Variants in LMX1A observed in about 807,000 individuals in gnomAD.
LMX1A encodes LIM homeobox transcription factor 1 alpha.
Under a neutral mutation model 49.1 loss-of-function variants are expected in LMX1A, and 15 were observed. The observed-to-expected ratio is 0.31, with a 90% CI of 0.20 to 0.47. The LOEUF (loss-of-function observed/expected upper bound fraction) is 0.47, where lower values mean the gene tolerates loss of function less well. LMX1A is among the 20% of genes least tolerant of loss of function. The pLI is 1.00. For missense variants in LMX1A, 372 were observed against 475.8 expected, an observed-to-expected ratio of 0.78 and a Z score of 2.03; for synonymous variants, 167 against 185.7, an observed-to-expected ratio of 0.90 and a Z score of 0.82.
rs939211416 is a variant in LMX1A, at chr1:165,293,893, G to A, written c.264-44253C>T. Among the ~76,000 whole-genome samples the A allele has an allele frequency of 2.6e-5, 4 of 152,304 alleles. No homozygotes were observed. In the South Asian group the frequency reaches 6.2e-4, roughly 24 times the overall value. ...CTAATACCATCATGTTGGAGGTTAG[G>A]ATTTCAACATGTGAATTTGGGAGGA... On this transcript the variant is annotated intron_variant, in intron 3 of 8. Coordinates refer to ENST00000342310, the MANE Select transcript of LMX1A (RefSeq NM_177398.4).
intron 3 of LMX1A, among the ~76,000 whole-genome samples, chr1:165,331,912 G>T (rs1272430631): frequency 6.6e-6 from 1 of 152,052 alleles, no homozygotes; most frequent in African/African-American, 2.4e-5. Context: ...GTGAGACACG[G>T]TCTCGAAAAA....
At chr1:165,225,639 C>A (rs528397927) in intron 4 of LMX1A, among the ~76,000 whole-genome samples, 2 of 152,318 alleles carry the variant, frequency 1.3e-5, no homozygotes, top group East Asian at 1.9e-4. Context: ...GACTCTAGGG[C>A]AGTGGTTTTC....
At chr1:165,204,641 G>A (rs887321102) in intron 8 of LMX1A, among the ~76,000 whole-genome samples, 1 of 152,322 alleles carries the variant, frequency 6.6e-6, no homozygotes, top group Admixed American at 6.5e-5. Flanking sequence ...GGCAAAGAAT[G>A]TTCTGCCTCT....
intron 4 of LMX1A, among the ~76,000 whole-genome samples, chr1:165,217,891 C>T (rs887186615): frequency 6.6e-6 from 1 of 152,224 alleles, no homozygotes; most frequent in Non-Finnish European, 1.5e-5. Flanking sequence ...CATCCCTTTA[C>T]ATCTTCCATT....
In LMX1A at chr1:165,340,022, C is replaced by A. The variant is rs570703950; in HGVS notation, c.263+13054G>T. 7.9e-5 allele frequency among the ~76,000 whole-genome samples: 12 copies of A among 152,200 alleles called. No homozygotes were observed. The South Asian group carries it at 2.5e-3, about 32-fold the overall frequency. On this transcript the variant is annotated intron_variant, in intron 3 of 8. Coordinates refer to ENST00000342310, the MANE Select transcript of LMX1A (RefSeq NM_177398.4). The stretch of plus-strand genomic sequence containing the variant: ...TTCTTGAAAGAGTGGCCACATCACT[C>A]CCCCTATTTCTTCAACTTCTTTTTA...
chr1:165,237,756 T>C (rs1297974772), intron 4 of LMX1A, among the ~76,000 whole-genome samples: 1 of 152,112 alleles, frequency 6.6e-6, no homozygotes, highest in Non-Finnish European at 1.5e-5. Flanking sequence ...CTTTGAGGGT[T>C]TTCCTTGGTC....
chr1:165,214,590 G>A (rs1401431340), intron 4 of LMX1A, among the ~76,000 whole-genome samples: 2 of 152,204 alleles, frequency 1.3e-5, no homozygotes, highest in African/African-American at 4.8e-5. Context: ...AGCCTTGACT[G>A]TTGATGATTA....
At chr1:165,306,774 G>T (rs939495848) in intron 3 of LMX1A, among the ~76,000 whole-genome samples, 7 of 152,198 alleles carry the variant, frequency 4.6e-5, no homozygotes, top group Admixed American at 3.9e-4. Context: ...ACAGTGCCTG[G>T]TACCTCCCAG....
intron 4 of LMX1A, among the ~76,000 whole-genome samples, chr1:165,235,407 G>GACACACACAC (rs5778434): frequency 5.2e-5 from 7 of 134,494 alleles, no homozygotes; most frequent in African/African-American, 9.7e-5. Flanking sequence ...CGCTCGCGCG[G>GACACACACAC]ACACACACAC....
intron 4 of LMX1A, among the ~76,000 whole-genome samples, chr1:165,234,631 C>G (rs1443354624): frequency 6.6e-6 from 1 of 152,086 alleles, no homozygotes; most frequent in Non-Finnish European, 1.5e-5. Flanking sequence ...ATTTAGTTAA[C>G]ATCAATCAGA....
intron 3 of LMX1A, among the ~76,000 whole-genome samples, chr1:165,332,559 A>G (rs1655779451): frequency 6.6e-6 from 1 of 152,224 alleles, no homozygotes; most frequent in Non-Finnish European, 1.5e-5. Context: ...ACACATAAGT[A>G]TATAATGTAT....
At chr1:165,231,722 A>T (rs1244457074) in intron 4 of LMX1A, among the ~76,000 whole-genome samples, 2 of 152,226 alleles carry the variant, frequency 1.3e-5, no homozygotes, top group African/African-American at 4.8e-5. Context: ...TTGTTATTTT[A>T]TCTGACTAAT....
In LMX1A at chr1:165,203,732, T is replaced by G; in HGVS notation, c.*148A>C. 1 of 630,158 alleles carries G rather than the reference T, an allele frequency of 1.6e-6. No individual in the cohort carries two copies. Among genetic ancestry groups the G allele is most frequent in the Non-Finnish European group, 2.8e-6 (1 of 351,376 alleles). The allele number at this position is 630,158 out of a possible 1,614,324, so 39.0% of individuals were successfully genotyped here. A position where few individuals can be genotyped will look rare whatever the true frequency, so the allele number is the denominator to read the frequency against. On this transcript the variant is annotated 3_prime_UTR_variant, in exon 9 of 9. Coordinates refer to ENST00000342310, the MANE Select transcript of LMX1A (RefSeq NM_177398.4). Reference sequence around the variant, plus strand: ...TATTCAGTCTTTGGAAATGCTGAGCTACACCATATCATTATACAACAGCAT... The same window carrying G: ...TATTCAGTCTTTGGAAATGCTGAGCGACACCATATCATTATACAACAGCAT...
intron 3 of LMX1A, among the ~76,000 whole-genome samples, chr1:165,336,006 C>T (rs959774758): frequency 2.0e-5 from 3 of 152,130 alleles, no homozygotes; most frequent in East Asian, 1.9e-4. Context: ...TATTGCTAAA[C>T]ATTACCAAGT....
intron 3 of LMX1A, among the ~76,000 whole-genome samples, chr1:165,311,456 G>GC (rs1162336485): frequency 6.6e-6 from 1 of 152,140 alleles, no homozygotes; most frequent in East Asian, 1.9e-4. Context: ...GGAGTGGCCT[G>GC]CCCCTCAGAA....
chr1:165,223,099 C>T (rs545801440), intron 4 of LMX1A, among the ~76,000 whole-genome samples: 170 of 152,080 alleles, frequency 1.1e-3, no homozygotes, highest in African/African-American at 4.0e-3. Flanking sequence ...ACACTAAACA[C>T]TATTAAATTA....
At position 165,202,724 on chromosome 1, in the gene LMX1A, G is replaced by A. The variant is rs11579653; in HGVS notation, c.*1156C>T. ...AGCCTTCACCTCCTCCCCACTCTGG[G>A]ACTCTGGGATCCCTCTGAACTGCTC... On this transcript the variant is annotated 3_prime_UTR_variant, in exon 9 of 9. Transcript: ENST00000342310. 0.013 allele frequency: 2,040 copies of A among 152,468 alleles called. 28 individuals carry two copies. The highest frequency in any genetic ancestry group is 0.021 in the Non-Finnish European group (1,464 of 68,178). The allele number at this position is 152,468 out of a possible 1,614,324, so 9.4% of individuals were successfully genotyped here. A position where few individuals can be genotyped will look rare whatever the true frequency, so the allele number is the denominator to read the frequency against.
intron 3 of LMX1A, among the ~76,000 whole-genome samples, chr1:165,261,282 TA>T (rs1653431163): frequency 6.6e-6 from 1 of 152,188 alleles, no homozygotes; most frequent in Admixed American, 6.5e-5. Context: ...TAACACTTTT[TA>T]TTCTTCAACT....
intron 3 of LMX1A, among the ~76,000 whole-genome samples, chr1:165,342,426 A>C (rs765635170): frequency 6.6e-6 from 1 of 152,138 alleles, no homozygotes; most frequent in Non-Finnish European, 1.5e-5. Context: ...CCCAGGACAA[A>C]AGTCACCAAT....
Sources: gnomAD v4.1 joint callset for allele counts (sites outside exome capture counted in the v4.1 genomes callset) on GRCh38, gnomAD v4.1.1 for gene constraint, MANE v1.5 for transcripts, NCBI Gene and HGNC (gene_info 2026-07-23, HGNC 2026-07-21) for gene names.